Variants in SEMA3E observed in about 807,000 individuals in gnomAD.
SEMA3E encodes the protein semaphorin-3E.
Under a neutral mutation model 93.6 loss-of-function variants are expected in SEMA3E, and 49 were observed. The ratio of observed to expected loss-of-function variants is 0.52; its 90% confidence interval spans 0.42 to 0.66. The LOEUF is 0.66. Among genes scored for constraint, SEMA3E ranks in the 30% least tolerant of loss-of-function variants. The pLI is 0.00. For synonymous variants in SEMA3E, 363 were observed against 330.7 expected, an observed-to-expected ratio of 1.10 and a Z score of -1.06; for missense variants, 906 against 964.8, an observed-to-expected ratio of 0.94 and a Z score of 0.81.
chr7:83,544,863 AT>A (rs1791612698), intron 1 of SEMA3E, among the ~76,000 whole-genome samples: 2 of 151,968 alleles, frequency 1.3e-5, no homozygotes, highest in Admixed American at 1.3e-4. Flanking sequence ...AGTCATGTGT[AT>A]TTAAAGCCAT....
At chr7:83,404,380 G>A (rs17213384) in intron 9 of SEMA3E, among the ~76,000 whole-genome samples, 3 of 151,738 alleles carry the variant, frequency 2.0e-5, no homozygotes, top group Non-Finnish European at 4.4e-5. Context: ...CGTAAGCACA[G>A]TATACATAAT....
chr7:83,516,704 G>A (rs1790934890), intron 1 of SEMA3E, among the ~76,000 whole-genome samples: 1 of 152,082 alleles, frequency 6.6e-6, no homozygotes, highest in African/African-American at 2.4e-5. Flanking sequence ...TTCAGCACAT[G>A]TTAATATTCA....
Position 83,514,910 on chromosome 7 carries a change from A to G in SEMA3E, c.116-24636T>C, listed in dbSNP as rs183925098. On this transcript the variant is annotated intron_variant, in intron 1 of 16. Transcript: ENST00000643230. ...TGGATAATAATTTGATATCATATTT[A>G]CTTATATATTTTAGCTACCTACAGG... 2.6e-5 allele frequency among the ~76,000 whole-genome samples: 4 copies of G among 152,320 alleles called. No individual in the cohort carries two copies. The East Asian group carries it at 7.7e-4, about 29-fold the overall frequency.
At chr7:83,524,622 G>C (rs36061864) in intron 1 of SEMA3E, among the ~76,000 whole-genome samples, 1 of 151,360 alleles carries the variant, frequency 6.6e-6, no homozygotes, top group Non-Finnish European at 1.5e-5. Context: ...GCTTATCCCT[G>C]AAAAAAAGTT....
intron 1 of SEMA3E, among the ~76,000 whole-genome samples, chr7:83,550,401 G>T (rs939736754): frequency 6.6e-6 from 1 of 152,054 alleles, no homozygotes; most frequent in Non-Finnish European, 1.5e-5. Flanking sequence ...AGTAAGGCAT[G>T]AACAGGCATT....
chr7:83,418,457 G>A lies in SEMA3E; in HGVS notation c.483C>T (p.Pro161=), dbSNP rs1352104933. 1.9e-6 allele frequency: 3 copies of A among 1,611,368 alleles called. No homozygotes were observed. The highest frequency in any genetic ancestry group is 2.2e-5 in the East Asian group (1 of 44,852). Residue 161 remains proline (P), a synonymous_variant, in exon 5 of 17, where the codon CCC becomes CCT. Coordinates refer to ENST00000643230, the MANE Select transcript of SEMA3E (RefSeq NM_012431.3). ...LEDPLFHLES[P]RSERGRGRCP... ...ATCTGCCCCTTCCTCTCTCAGATCT[G>A]GGTGATTCCAGGTGAAACAGAGGAT...
intron 1 of SEMA3E, among the ~76,000 whole-genome samples, chr7:83,552,367 G>A (rs1791783673): frequency 6.6e-6 from 1 of 152,154 alleles, no homozygotes; most frequent in African/African-American, 2.4e-5. Context: ...CAAGACCACT[G>A]TGATAATTGT....
intron 14 of SEMA3E, 80 bp from the exon 15 acceptor site, chr7:83,387,130 A>T (rs1001634795): frequency 1.8e-6 from 2 of 1,135,406 alleles, no homozygotes; most frequent in African/African-American, 1.5e-5. Flanking sequence ...CATTTCATAT[A>T]CAAGTAGTAT....
In SEMA3E at chr7:83,367,637, G is replaced by C. The variant is rs770133255; in HGVS notation, c.2277C>G (p.Leu759=). The change falls in exon 17 of 17, where the codon CTC becomes CTG. Residue 759 remains leucine, a synonymous_variant. Transcript: ENST00000643230. ...WKYANPQEKK[L]RSKPEHYRLP... ...GGCGGTAATGCTCAGGTTTGGAACG[G>C]AGCTTCTTTTCCTGAGGGTTGGCAT... The C allele has an allele frequency of 2.5e-6, 4 of 1,614,140 alleles. No homozygotes were observed. The South Asian group carries it at 4.4e-5, about 18-fold the overall frequency.
At position 83,648,588 on chromosome 7, in the gene SEMA3E, G is replaced by A; in HGVS notation, c.-46C>T. ...AGCCCTCGCTCCTCACTTTAAGGAG[G>A]GTCTGAGTTTTACTTAGGACTTCCC... On this transcript the variant is annotated 5_prime_UTR_variant, in exon 1 of 17. Coordinates refer to ENST00000643230, the MANE Select transcript of SEMA3E (RefSeq NM_012431.3). 1 of 1,470,522 alleles carries A rather than the reference G, an allele frequency of 6.8e-7. No individual in the cohort carries two copies. Among genetic ancestry groups the A allele is most frequent in the Non-Finnish European group, 9.5e-7 (1 of 1,053,786 alleles). The allele number at this position is 1,470,522 out of a possible 1,614,324, so 91.1% of individuals were successfully genotyped here. A position where few individuals can be genotyped will look rare whatever the true frequency, so the allele number is the denominator to read the frequency against.
intron 16 of SEMA3E, among the ~76,000 whole-genome samples, chr7:83,383,973 C>A (rs957967930): frequency 4.6e-5 from 7 of 152,024 alleles, no homozygotes; most frequent in African/African-American, 1.7e-4. Context: ...ACTAAATCAA[C>A]AACTTAACTC....
In SEMA3E at chr7:83,443,959, A is replaced by G. The variant is rs139598179; in HGVS notation, c.456+22523T>C. Among the ~76,000 whole-genome samples the G allele has an allele frequency of 2.8e-3, 420 of 151,608 alleles. 2 individuals are homozygous for G. Among genetic ancestry groups the G allele is most frequent in the African/African-American group, 8.4e-3 (349 of 41,348 alleles). Reference sequence around the variant, plus strand: ...TATATATGTTTATTACATGTTTTCAATGAATGATTTCAATGACTGCTGCCA... The same window carrying G: ...TATATATGTTTATTACATGTTTTCAGTGAATGATTTCAATGACTGCTGCCA... On this transcript the variant is annotated intron_variant, in intron 4 of 16. Coordinates refer to ENST00000643230, the MANE Select transcript of SEMA3E (RefSeq NM_012431.3).
At chr7:83,603,651 T>C (rs1267616346) in intron 1 of SEMA3E, among the ~76,000 whole-genome samples, 2 of 152,186 alleles carry the variant, frequency 1.3e-5, no homozygotes. Context: ...TTAACAGCAG[T>C]GAGATAGATA....
At chr7:83,504,712 C>G (rs2115617235) in intron 1 of SEMA3E, among the ~76,000 whole-genome samples, 1 of 151,798 alleles carries the variant, frequency 6.6e-6, no homozygotes, top group South Asian at 2.1e-4. Flanking sequence ...TCCAGAAATC[C>G]CTGTTGTTTA....
intron 4 of SEMA3E, among the ~76,000 whole-genome samples, chr7:83,460,470 T>G (rs941416749): frequency 2.0e-5 from 3 of 152,044 alleles, no homozygotes; most frequent in Non-Finnish European, 2.9e-5. Context: ...GTTTAATCAT[T>G]GCAGGGACGC....
In SEMA3E at chr7:83,583,784, C is replaced by T. The variant is rs933641983; in HGVS notation, c.115+64644G>A. On this transcript the variant is annotated intron_variant, in intron 1 of 16. Transcript: ENST00000643230. ...AATTTCCCTCATTATTAAAAAGATA[C>T]ATTCAAGAAGAGATAATTTCTACTT... Among the ~76,000 whole-genome samples the T allele has an allele frequency of 3.3e-5, 5 of 152,250 alleles. No homozygotes were observed. In the East Asian group the frequency reaches 9.7e-4, roughly 29 times the overall value.
intron 14 of SEMA3E, among the ~76,000 whole-genome samples, chr7:83,389,564 C>T (rs1787949957): frequency 6.6e-6 from 1 of 151,738 alleles, no homozygotes; most frequent in Admixed American, 6.6e-5. Flanking sequence ...GTATAGTTGT[C>T]CTTTATTTCA....
chr7:83,392,668 G>C lies in SEMA3E; in HGVS notation c.1554C>G (p.His518Gln). Residue 518 changes from histidine to glutamine, a missense_variant, in exon 14 of 17, where the codon CAC (histidine) becomes CAG (glutamine). His to Gln is a conservative substitution (Grantham distance 24). Transcript: ENST00000643230. ...CACAAGCACTTCCATACATGTCACAGTGATGGAATCTGACTTGAGCCACAG... is the reference window on the plus strand; with the variant it reads ...CACAAGCACTTCCATACATGTCACACTGATGGAATCTGACTTGAGCCACAG... The part of the protein sequence containing the change: ...ASAVAQVRFH[H>Q]CDMYGSACAD... The C allele has an allele frequency of 6.2e-7, 1 of 1,613,804 alleles. No individual in the cohort carries two copies. The highest frequency in any genetic ancestry group is 8.5e-7 in the Non-Finnish European group (1 of 1,179,826).
chr7:83,582,879 T>G (rs1584345807), intron 1 of SEMA3E, among the ~76,000 whole-genome samples: 1 of 152,188 alleles, frequency 6.6e-6, no homozygotes, highest in African/African-American at 2.4e-5. Context: ...TCATCCACTT[T>G]TTGTGTATAT....
Sources: gnomAD v4.1 joint callset for allele counts (sites outside exome capture counted in the v4.1 genomes callset) on GRCh38, gnomAD v4.1.1 for gene constraint, MANE v1.5 for transcripts, NCBI Gene and HGNC (gene_info 2026-07-23, HGNC 2026-07-21) for gene names.